The following PTPRT variants were observed in gnomAD, a reference collection of about 807,000 sequenced individuals.
The protein encoded by PTPRT is receptor-type tyrosine-protein phosphatase T.
A neutral mutation model predicts 176.8 loss-of-function variants in PTPRT; 56 were observed. The observed-to-expected ratio is 0.32, with a 90% CI of 0.26 to 0.40. The LOEUF is 0.40. Among genes scored for constraint, PTPRT ranks in the 10% least tolerant of loss-of-function variants. PTPRT has a pLI of 1.00. For missense variants in PTPRT, 1,540 were observed against 1,908.2 expected, an observed-to-expected ratio of 0.81 and a Z score of 3.60; for synonymous variants, 783 against 739.0, an observed-to-expected ratio of 1.06 and a Z score of -0.96.
chr20:42,477,712 C>T (rs2071315259), intron 7 of PTPRT, among the ~76,000 whole-genome samples: 1 of 152,184 alleles, frequency 6.6e-6, no homozygotes. Flanking sequence ...GTCCGTATGA[C>T]CTTCTTGAGT....
At chr20:42,543,076 T>C (rs1350837857) in intron 7 of PTPRT, among the ~76,000 whole-genome samples, 3 of 152,232 alleles carry the variant, frequency 2.0e-5, no homozygotes, top group African/African-American at 7.2e-5. Context: ...CTGATCAGCG[T>C]GCTGGTTGCT....
chr20:42,923,485 T>A (rs1379592896), intron 1 of PTPRT, among the ~76,000 whole-genome samples: 2 of 152,234 alleles, frequency 1.3e-5, no homozygotes, highest in East Asian at 3.8e-4. Flanking sequence ...GTCTGCACAT[T>A]ACTTTCCAGG....
chr20:42,364,913 G>A (rs914724434), intron 9 of PTPRT, among the ~76,000 whole-genome samples: 4 of 152,206 alleles, frequency 2.6e-5, no homozygotes, highest in African/African-American at 4.8e-5. Flanking sequence ...GATAACAAAG[G>A]AGTCAGAAAC....
intron 1 of PTPRT, among the ~76,000 whole-genome samples, chr20:42,981,937 A>T (rs1983305466): frequency 6.6e-6 from 1 of 152,132 alleles, no homozygotes; most frequent in African/African-American, 2.4e-5. Context: ...TGGTCTCTTT[A>T]TGGGGCGCTC....
chr20:42,973,535 C>T (rs1257160252), intron 1 of PTPRT, among the ~76,000 whole-genome samples: 2 of 152,136 alleles, frequency 1.3e-5, no homozygotes, highest in African/African-American at 4.8e-5. Context: ...ATCACGAATG[C>T]ATTGCCTCTC....
At chr20:42,067,077 T>G in the PTPRT span, among the ~76,000 whole-genome samples, 1 of 152,174 alleles carries the variant, frequency 6.6e-6, no homozygotes, top group African/African-American at 2.4e-5. Context: ...TTTTCCTGTT[T>G]GTTCACCCTT....
At chr20:42,699,343 C>T (rs1015833078) in intron 6 of PTPRT, among the ~76,000 whole-genome samples, 1 of 152,146 alleles carries the variant, frequency 6.6e-6, no homozygotes, top group Non-Finnish European at 1.5e-5. Context: ...ATTGCATCTG[C>T]TTGAGAAAGC....
intron 2 of PTPRT, among the ~76,000 whole-genome samples, chr20:42,798,314 T>G (rs2077481272): frequency 6.6e-6 from 1 of 152,206 alleles, no homozygotes; most frequent in Admixed American, 6.5e-5. Flanking sequence ...TGATGAAATT[T>G]AGCTATCTAG....
chr20:43,187,130 C>T (rs139581419), intron 1 of PTPRT, among the ~76,000 whole-genome samples: 129 of 152,254 alleles, frequency 8.5e-4, no homozygotes, highest in African/African-American at 2.6e-3. Flanking sequence ...GACAAGCTTC[C>T]GCCCCGACTT....
At chr20:42,358,280 A>G (rs1330885075) in intron 9 of PTPRT, among the ~76,000 whole-genome samples, 3 of 152,052 alleles carry the variant, frequency 2.0e-5, no homozygotes, top group Non-Finnish European at 2.9e-5. Flanking sequence ...AAGACAACAA[A>G]TGGCATGCTG....
intron 7 of PTPRT, among the ~76,000 whole-genome samples, chr20:42,665,611 A>T (rs1354425147): frequency 6.6e-6 from 1 of 152,236 alleles, no homozygotes; most frequent in Non-Finnish European, 1.5e-5. Flanking sequence ...CCAAAGGATT[A>T]TAAAACATGC....
At chr20:42,269,169 T>G (rs1248134385) in intron 13 of PTPRT, among the ~76,000 whole-genome samples, 2 of 152,226 alleles carry the variant, frequency 1.3e-5, no homozygotes, top group Non-Finnish European at 2.9e-5. Context: ...CTTCCTCCCT[T>G]TCTTCTGAGA....
chr20:42,558,049 T>C (rs1021339914), intron 7 of PTPRT, among the ~76,000 whole-genome samples: 2 of 152,200 alleles, frequency 1.3e-5, no homozygotes, highest in African/African-American at 4.8e-5. Context: ...ACTTGTGTCA[T>C]GGGGGTTTGT....
intron 1 of PTPRT, among the ~76,000 whole-genome samples, chr20:42,959,252 G>A (rs1981847950): frequency 6.6e-6 from 1 of 152,094 alleles, no homozygotes; most frequent in African/African-American, 2.4e-5. Flanking sequence ...TACGTCAAGT[G>A]CTTAGAATAC....
At chr20:43,153,211 T>C (rs968166180) in intron 1 of PTPRT, among the ~76,000 whole-genome samples, 2 of 152,174 alleles carry the variant, frequency 1.3e-5, no homozygotes, top group Non-Finnish European at 2.9e-5. Flanking sequence ...CACCAATATA[T>C]ATAGTATGAA....
At chr20:42,985,501 A>AT (rs1326744622) in intron 1 of PTPRT, among the ~76,000 whole-genome samples, 1 of 152,140 alleles carries the variant, frequency 6.6e-6, no homozygotes, top group Non-Finnish European at 1.5e-5. Context: ...TGCTAAATAA[A>AT]TAAATAAATA....
chr20:42,352,298 C>G lies in PTPRT; in HGVS notation c.1561-13G>C, dbSNP rs1600876076. ...CCTTGTAGTTGATCTGTAGGACAAG[C>G]CAGCAAACAAACAAACAAATAAATG... is the stretch of plus-strand genomic sequence containing the variant. On this transcript the variant is annotated splice_polypyrimidine_tract_variant and intron_variant, in intron 9 of 30. Coordinates refer to ENST00000373187, the MANE Select transcript of PTPRT (RefSeq NM_007050.6). 1.2e-6 allele frequency: 2 copies of G among 1,613,618 alleles called. No homozygotes were observed. The highest frequency in any genetic ancestry group is 1.7e-6 in the Non-Finnish European group (2 of 1,179,678).
chr20:42,213,838 A>G (rs1272287227), intron 15 of PTPRT, among the ~76,000 whole-genome samples: 1 of 152,206 alleles, frequency 6.6e-6, no homozygotes, highest in Non-Finnish European at 1.5e-5. Flanking sequence ...TTGGATTTAT[A>G]GCTTCTAAAA....
intron 1 of PTPRT, among the ~76,000 whole-genome samples, chr20:43,030,623 G>A (rs969983860): frequency 6.6e-6 from 1 of 152,158 alleles, no homozygotes; most frequent in Non-Finnish European, 1.5e-5. Flanking sequence ...TAATTCCACT[G>A]GAATCAGGTT....
Sources: gnomAD v4.1 joint callset for allele counts (sites outside exome capture counted in the v4.1 genomes callset) on GRCh38, gnomAD v4.1.1 for gene constraint, MANE v1.5 for transcripts, NCBI Gene and HGNC (gene_info 2026-07-23, HGNC 2026-07-21) for gene names.